LRRIQ3: variants seen among roughly 807,000 people sequenced by gnomAD.
LRRIQ3 encodes leucine rich repeats and IQ motif containing 3, also known as leucine-rich repeat and IQ domain-containing protein 3.
A neutral mutation model predicts 59.3 loss-of-function variants in LRRIQ3; 75 were observed. The ratio of observed to expected loss-of-function variants is 1.26; its 90% CI spans 1.05 to 1.53. The LOEUF (loss-of-function observed/expected upper bound fraction) is 1.53. Among genes scored for constraint, LRRIQ3 ranks in the 40% most tolerant of loss-of-function variants. The probability of loss-of-function intolerance (pLI) is 0.00; values close to 1 mark genes in which losing one functional copy is unlikely to be tolerated. For synonymous variants in LRRIQ3, 250 were observed against 231.3 expected (o/e 1.08, Z -0.73); for missense variants, 831 against 710.0 (o/e 1.17, Z -1.94).
At chr1:74,134,370 A>C (rs889234182) in intron 4 of LRRIQ3, among the ~76,000 whole-genome samples, 8 of 152,036 alleles carry the variant, frequency 5.3e-5, no homozygotes, top group Admixed American at 4.6e-4. Context: ...ACTTCTACCT[A>C]CATGGTGCAA....
At chr1:74,060,496 C>A (rs1326882112) in intron 6 of LRRIQ3, among the ~76,000 whole-genome samples, 1 of 151,982 alleles carries the variant, frequency 6.6e-6, no homozygotes, top group Non-Finnish European at 1.5e-5. Flanking sequence ...AAATTTCATT[C>A]TCAGCACTGC....
chr1:74,156,563 A>G (rs1648340501), intron 3 of LRRIQ3, among the ~76,000 whole-genome samples: 1 of 152,172 alleles, frequency 6.6e-6, no homozygotes, highest in African/African-American at 2.4e-5. Flanking sequence ...ATAAAATTTT[A>G]ACCATAATCA....
intron 4 of LRRIQ3, among the ~76,000 whole-genome samples, chr1:74,139,154 A>G (rs972620925): frequency 2.6e-5 from 4 of 151,250 alleles, no homozygotes; most frequent in South Asian, 2.1e-4. Flanking sequence ...GTGTGTGTGT[A>G]TATATATACA....
In LRRIQ3 at chr1:74,029,331, G is replaced by T. The variant is rs1193348380; in HGVS notation, c.1719-2362C>A. Among the ~76,000 whole-genome samples the T allele has an allele frequency of 2.6e-5, 4 of 152,128 alleles. No individual in the cohort carries two copies. In the East Asian group the frequency reaches 7.7e-4, roughly 29 times the overall value. The stretch of plus-strand genomic sequence containing the variant: ...AATGCTTCCAGTTTTTGCCCATTCA[G>T]TATGACATTGGCTGTGGGTTTGTCA... On this transcript the variant is annotated intron_variant, in intron 7 of 7. Coordinates refer to ENST00000354431, the MANE Select transcript of LRRIQ3 (RefSeq NM_001105659.2).
chr1:74,038,363 G>A (rs1653936783), intron 7 of LRRIQ3, among the ~76,000 whole-genome samples: 1 of 152,196 alleles, frequency 6.6e-6, no homozygotes, highest in South Asian at 2.1e-4. Context: ...CTGCAGACCA[G>A]CAGACTTAAC....
chr1:74,191,053 ATT>A (rs1650733773), intron 1 of LRRIQ3, among the ~76,000 whole-genome samples: 1 of 152,126 alleles, frequency 6.6e-6, no homozygotes, highest in African/African-American at 2.4e-5. Context: ...TTCTTTATAA[ATT>A]ACCCAGTGTT....
intron 4 of LRRIQ3, among the ~76,000 whole-genome samples, chr1:74,147,835 A>G (rs1462605371): frequency 6.6e-6 from 1 of 152,114 alleles, no homozygotes; most frequent in Non-Finnish European, 1.5e-5. Context: ...GTTTTGCAAG[A>G]CTTAAGATGT....
At chr1:74,131,921 A>T (rs987829203) in intron 4 of LRRIQ3, among the ~76,000 whole-genome samples, 1 of 152,146 alleles carries the variant, frequency 6.6e-6, no homozygotes, top group Non-Finnish European at 1.5e-5. Flanking sequence ...CAATTAGGAA[A>T]AGAGGAAGTC....
chr1:74,097,897 C>A (rs112077526), intron 5 of LRRIQ3, among the ~76,000 whole-genome samples: 1 of 152,154 alleles, frequency 6.6e-6, no homozygotes, highest in South Asian at 2.1e-4. Flanking sequence ...AAAGAGCTCC[C>A]GAAGGAAGCA....
chr1:74,148,521 C>T (rs1226510601), intron 4 of LRRIQ3, among the ~76,000 whole-genome samples: 2 of 152,104 alleles, frequency 1.3e-5, no homozygotes, highest in African/African-American at 4.8e-5. Flanking sequence ...TAGGCCAGTC[C>T]TTGGGCCTCA....
chr1:74,047,540 A>G (rs761207489), intron 6 of LRRIQ3, among the ~76,000 whole-genome samples: 37 of 152,032 alleles, frequency 2.4e-4, no homozygotes, highest in Non-Finnish European at 4.7e-4. Flanking sequence ...GTGTATACCT[A>G]TGGAACAAAC....
At chr1:74,048,315 G>C (rs2062266) in intron 6 of LRRIQ3, among the ~76,000 whole-genome samples, 2,927 of 152,184 alleles carry the variant, frequency 0.019, 82 homozygotes, top group African/African-American at 0.067. Flanking sequence ...AATTTTAATT[G>C]ATCCTAGCAT....
At chr1:74,112,966 A>G (rs1372451047) in intron 4 of LRRIQ3, among the ~76,000 whole-genome samples, 1 of 152,068 alleles carries the variant, frequency 6.6e-6, no homozygotes, top group Admixed American at 6.6e-5. Context: ...GACAACAGAA[A>G]CCAACATAGA....
chr1:74,193,279 T>C (rs555391951), intron 1 of LRRIQ3, among the ~76,000 whole-genome samples: 2 of 152,184 alleles, frequency 1.3e-5, no homozygotes, highest in African/African-American at 4.8e-5. Flanking sequence ...TTACAGAACG[T>C]ATCAAGTCTC....
At chr1:74,106,626 G>C (rs1481588418) in intron 5 of LRRIQ3, among the ~76,000 whole-genome samples, 1 of 151,974 alleles carries the variant, frequency 6.6e-6, no homozygotes, top group East Asian at 1.9e-4. Context: ...TGAAGTCAAA[G>C]CCCCGGTGGG....
chr1:74,168,540 A>G (rs1043625605), intron 3 of LRRIQ3, among the ~76,000 whole-genome samples: 2 of 152,078 alleles, frequency 1.3e-5, no homozygotes, highest in African/African-American at 2.4e-5. Context: ...CAATTTGCCA[A>G]TCTCTTTCTT....
chr1:74,086,195 T>G (rs1402377791), intron 5 of LRRIQ3, among the ~76,000 whole-genome samples: 1 of 152,070 alleles, frequency 6.6e-6, no homozygotes. Flanking sequence ...CTTTCTGCCT[T>G]TGCAATGTTT....
At chr1:74,074,225 A>G (rs1243236734) in intron 6 of LRRIQ3, among the ~76,000 whole-genome samples, 1 of 152,274 alleles carries the variant, frequency 6.6e-6, no homozygotes, top group African/African-American at 2.4e-5. Context: ...GAATATGTAT[A>G]TTTAGAAAAT....
intron 3 of LRRIQ3, 21 bp from the exon 4 acceptor site, chr1:74,155,887 T>C (rs1207290804): frequency 8.5e-7 from 1 of 1,180,326 alleles, no homozygotes; most frequent in African/African-American, 1.6e-5. Flanking sequence ...AAAATATAAT[T>C]AATAATTTTT....
Sources: allele counts gnomAD v4.1 joint callset (sites outside exome capture counted in the v4.1 genomes callset), GRCh38; gene constraint gnomAD v4.1.1; transcripts MANE v1.5; gene names NCBI Gene and HGNC (gene_info 2026-07-23, HGNC 2026-07-21).